Variants in ST8SIA1 observed in about 807,000 individuals in gnomAD.
ST8SIA1 encodes the protein alpha-N-acetylneuraminide alpha-2,8-sialyltransferase.
In ST8SIA1, 16 loss-of-function variants were observed where a neutral mutation model predicts 35.9. That is an observed-to-expected ratio of 0.45 (90% CI 0.30 to 0.68). ST8SIA1 has a LOEUF of 0.68. ST8SIA1 is among the 30% of genes least tolerant of loss of function. ST8SIA1 has a pLI of 0.09. For missense variants in ST8SIA1, 383 were observed against 453.6 expected (o/e 0.84, Z 1.41); for synonymous variants, 170 against 169.6 (o/e 1.00, Z -0.02).
At chr12:22,325,491 A>G (rs4762904) in intron 1 of ST8SIA1, 398,081 of 701,352 alleles carry the variant, frequency 0.57, 117,747 homozygotes, top group East Asian at 0.86. Context: ...AGGGATAAAA[A>G]TCGATTCCTT....
At chr12:22,311,953 G>T (rs1358134768) in intron 1 of ST8SIA1, among the ~76,000 whole-genome samples, 1 of 152,142 alleles carries the variant, frequency 6.6e-6, no homozygotes, top group Non-Finnish European at 1.5e-5. Flanking sequence ...TGAGGAATTA[G>T]TCAGTGGGCA....
chr12:22,334,373 C>T lies in ST8SIA1; in HGVS notation c.-141G>A. The T allele has an allele frequency of 1.6e-6, 1 of 635,110 alleles. No homozygotes were observed. Among genetic ancestry groups the T allele is most frequent in the South Asian group, 1.9e-5 (1 of 51,764 alleles). The allele number at this position is 635,110 out of a possible 1,614,324, so 39.3% of individuals were successfully genotyped here. On this transcript the variant is annotated 5_prime_UTR_variant, in exon 1 of 5. Transcript: ENST00000396037. ...ACTTGCAAACGCACGCACGCTTCTT[C>T]GGCCCCGTCGGCCCCAAAGGTCAGC...
At chr12:22,331,335 A>C (rs935804883) in intron 1 of ST8SIA1, among the ~76,000 whole-genome samples, 2 of 152,198 alleles carry the variant, frequency 1.3e-5, no homozygotes, top group Non-Finnish European at 2.9e-5. Flanking sequence ...AGGGCCTAAC[A>C]CATATCTGAT....
In ST8SIA1 at chr12:22,334,405, A is replaced by AT. The variant is rs2135852370; in HGVS notation, c.-174dup. 1 of 603,620 alleles carries AT rather than the reference A, an allele frequency of 1.7e-6. No individual in the cohort carries two copies. Among genetic ancestry groups the AT allele is most frequent in the Non-Finnish European group, 2.9e-6 (1 of 341,480 alleles). 37.4% of individuals were successfully genotyped at this position (603,620 alleles called of 1,614,324 possible). A position where few individuals can be genotyped will look rare whatever the true frequency, so the allele number is the denominator to read the frequency against. On this transcript the variant is annotated 5_prime_UTR_variant, in exon 1 of 5. Transcript: ENST00000396037. ...GTCGGCCCCAAAGGTCAGCGCAAGG[A>AT]TTTTTTCAAATGCAACTTTTCCAAG... is the stretch of plus-strand genomic sequence containing the variant.
intron 1 of ST8SIA1, among the ~76,000 whole-genome samples, chr12:22,304,906 T>C (rs1866365616): frequency 6.6e-6 from 1 of 152,210 alleles, no homozygotes; most frequent in South Asian, 2.1e-4. Flanking sequence ...CCATCTTTAA[T>C]CTCTCTCCAG....
At chr12:22,291,633 G>A (rs1054816855) in intron 1 of ST8SIA1, among the ~76,000 whole-genome samples, 3 of 152,174 alleles carry the variant, frequency 2.0e-5, no homozygotes, top group Non-Finnish European at 4.4e-5. Flanking sequence ...TGTCATCAGA[G>A]TTTACTGTTT....
intron 1 of ST8SIA1, among the ~76,000 whole-genome samples, chr12:22,312,612 C>T (rs73087087): frequency 0.02 from 2,966 of 151,106 alleles, 50 homozygotes; most frequent in Middle Eastern, 0.041. Flanking sequence ...TTTTCAATTG[C>T]TATTGCTCTT....
Position 22,200,730 on chromosome 12 carries a change from C to T in ST8SIA1, c.*822G>A, listed in dbSNP as rs1865039920. On this transcript the variant is annotated 3_prime_UTR_variant, in exon 5 of 5. Transcript: ENST00000396037. Reference sequence around the variant, plus strand: ...TATGCCAATTTACAAACAAATAATTCACTCATATTGGTAGTCTTTTGCACT... The same window carrying T: ...TATGCCAATTTACAAACAAATAATTTACTCATATTGGTAGTCTTTTGCACT... The T allele has an allele frequency of 6.6e-6, 1 of 152,100 alleles. No homozygotes were observed. Among genetic ancestry groups the T allele is most frequent in the Non-Finnish European group, 1.5e-5 (1 of 68,032 alleles). 9.4% of individuals were successfully genotyped at this position (152,100 alleles called of 1,614,324 possible).
intron 4 of ST8SIA1, among the ~76,000 whole-genome samples, chr12:22,220,545 C>T (rs1469118181): frequency 1.3e-5 from 2 of 152,158 alleles, no homozygotes; most frequent in African/African-American, 4.8e-5. Flanking sequence ...GTGCAAAAGT[C>T]TAACTTTTTT....
intron 4 of ST8SIA1, among the ~76,000 whole-genome samples, chr12:22,235,215 GAAACTT>G (rs953414069): frequency 2.2e-4 from 33 of 152,066 alleles, no homozygotes; most frequent in African/African-American, 7.5e-4. Context: ...CTTAGTAACA[GAAACTT>G]ATACAGATAT....
intron 2 of ST8SIA1, among the ~76,000 whole-genome samples, chr12:22,272,535 C>T (rs937860516): frequency 4.6e-5 from 7 of 152,260 alleles, no homozygotes; most frequent in Admixed American, 3.9e-4. Flanking sequence ...GGCTCCACGG[C>T]GCTACAAAGA....
chr12:22,250,984 A>C (rs973810463), intron 3 of ST8SIA1, among the ~76,000 whole-genome samples: 6 of 152,064 alleles, frequency 3.9e-5, no homozygotes, highest in African/African-American at 1.2e-4. Flanking sequence ...GTTGCCCCAT[A>C]TCCCATGTGG....
At chr12:22,325,609 T>C (rs1206687836) in intron 1 of ST8SIA1, 1 of 639,372 alleles carries the variant, frequency 1.6e-6, no homozygotes, top group Non-Finnish European at 2.8e-6. Flanking sequence ...TCCTCTTATC[T>C]GTGGAGGATA....
chr12:22,217,055 A>G (rs1865241341), intron 4 of ST8SIA1, among the ~76,000 whole-genome samples: 1 of 152,190 alleles, frequency 6.6e-6, no homozygotes, highest in Non-Finnish European at 1.5e-5. Flanking sequence ...ATTTTCTTGT[A>G]AACAGAATAT....
At position 22,198,889 on chromosome 12, in the gene ST8SIA1, C is replaced by G. The variant is rs965211152; in HGVS notation, c.*2663G>C. Reference sequence around the variant, plus strand: ...TCTACTAAGTACATGCTATTAGCACCCTTGAGTCATGAAAATAAAAAATGT... The same window carrying G: ...TCTACTAAGTACATGCTATTAGCACGCTTGAGTCATGAAAATAAAAAATGT... On this transcript the variant is annotated 3_prime_UTR_variant, in exon 5 of 5. Coordinates refer to ENST00000396037, the MANE Select transcript of ST8SIA1 (RefSeq NM_003034.4). The G allele has an allele frequency of 6.6e-6, 1 of 152,080 alleles. No homozygotes were observed. Among genetic ancestry groups the G allele is most frequent in the East Asian group, 1.9e-4 (1 of 5,154 alleles). The allele number at this position is 152,080 out of a possible 1,614,324, so 9.4% of individuals were successfully genotyped here.
At chr12:22,325,733 A>G in intron 1 of ST8SIA1, 1 of 625,970 alleles carries the variant, frequency 1.6e-6, no homozygotes, top group Non-Finnish European at 2.8e-6. Context: ...TGATTTATAA[A>G]TTAGGCACAG....
chr12:22,256,881 AC>A (rs1865734477), intron 2 of ST8SIA1, among the ~76,000 whole-genome samples: 1 of 152,234 alleles, frequency 6.6e-6, no homozygotes, highest in Non-Finnish European at 1.5e-5. Context: ...CGGGCAAGAA[AC>A]AGAGGGCTTG....
intron 4 of ST8SIA1, among the ~76,000 whole-genome samples, chr12:22,237,209 C>T (rs907483845): frequency 6.6e-6 from 1 of 152,146 alleles, no homozygotes; most frequent in Non-Finnish European, 1.5e-5. Context: ...AGTAATCCTC[C>T]TGTGTCAGCT....
At chr12:22,261,933 C>T (rs1191446535) in intron 2 of ST8SIA1, among the ~76,000 whole-genome samples, 1 of 152,094 alleles carries the variant, frequency 6.6e-6, no homozygotes, top group Non-Finnish European at 1.5e-5. Context: ...AGACATATAC[C>T]CCACTCATGC....
Sources: gnomAD v4.1 joint callset for allele counts (sites outside exome capture counted in the v4.1 genomes callset) on GRCh38, gnomAD v4.1.1 for gene constraint, MANE v1.5 for transcripts, NCBI Gene and HGNC (gene_info 2026-07-23, HGNC 2026-07-21) for gene names.